The following IL1RAPL2 variants were observed in gnomAD, a reference collection of about 807,000 sequenced individuals.
IL1RAPL2 encodes X-linked interleukin-1 receptor accessory protein-like 2.
A neutral mutation model predicts 44.1 loss-of-function variants in IL1RAPL2; 3 were observed. The observed-to-expected ratio is 0.07, with a 90% confidence interval of 0.03 to 0.18. The LOEUF is 0.18. IL1RAPL2 is among the 10% of genes least tolerant of loss of function. IL1RAPL2 has a pLI of 1.00. For missense variants in IL1RAPL2, 391 were observed against 496.4 expected, an observed-to-expected ratio of 0.79 and a Z score of 2.02; for synonymous variants, 181 against 178.8, an observed-to-expected ratio of 1.01 and a Z score of -0.10.
At chrX:105,345,297 C>T (rs1451949954) in intron 5 of IL1RAPL2, among the ~76,000 whole-genome samples, 13 of 111,630 alleles carry the variant, frequency 1.2e-4, no homozygotes, top group African/African-American at 9.7e-5. Flanking sequence ...TAAACAAATA[C>T]GCATACTAGG....
chrX:104,765,348 A>G (rs1297085839), intron 2 of IL1RAPL2, among the ~76,000 whole-genome samples: 1 of 111,835 alleles, frequency 8.9e-6, no homozygotes, highest in Non-Finnish European at 1.9e-5. Flanking sequence ...ATTTATCCAA[A>G]AAACGTTTGA....
intron 8 of IL1RAPL2, among the ~76,000 whole-genome samples, chrX:105,743,256 C>G (rs773257702): frequency 7.1e-5 from 8 of 112,010 alleles, no homozygotes; most frequent in Non-Finnish European, 1.1e-4. Context: ...TCCCTTTCCA[C>G]TAAGAATGAA....
At chrX:105,275,641 C>T (rs1412362307) in intron 5 of IL1RAPL2, among the ~76,000 whole-genome samples, 2 of 109,514 alleles carry the variant, frequency 1.8e-5, no homozygotes, top group Non-Finnish European at 3.8e-5. Flanking sequence ...AATAAGACAA[C>T]TTTGTGTTTG....
At chrX:104,665,359 AAAT>A (rs1053946168) in intron 2 of IL1RAPL2, among the ~76,000 whole-genome samples, 4 of 110,985 alleles carry the variant, frequency 3.6e-5, no homozygotes, top group Non-Finnish European at 5.7e-5. Context: ...TAGTAGCAAA[AAAT>A]AATTATCCAT....
intron 2 of IL1RAPL2, among the ~76,000 whole-genome samples, chrX:104,833,436 T>C (rs776895569): frequency 9.8e-5 from 11 of 112,231 alleles, no homozygotes; most frequent in Non-Finnish European, 2.1e-4. Context: ...TTATAATCAT[T>C]TTATGAAATT....
chrX:104,609,668 C>T (rs915602375), intron 1 of IL1RAPL2, among the ~76,000 whole-genome samples: 10 of 111,689 alleles, frequency 9.0e-5, no homozygotes, highest in African/African-American at 2.9e-4. Context: ...ACATGCTTCA[C>T]GAAGTTCTCA....
At chrX:105,014,068 A>C (rs1035332520) in intron 2 of IL1RAPL2, among the ~76,000 whole-genome samples, 9 of 112,080 alleles carry the variant, frequency 8.0e-5, no homozygotes, top group African/African-American at 2.9e-4. Flanking sequence ...TTATATCATG[A>C]GTATAAGTGG....
At chrX:104,866,729 G>T (rs894929280) in intron 2 of IL1RAPL2, among the ~76,000 whole-genome samples, 1 of 111,777 alleles carries the variant, frequency 8.9e-6, no homozygotes, top group African/African-American at 3.3e-5. Context: ...GAATATAATC[G>T]ATTTCTATGT....
chrX:105,519,281 A>G (rs1390144570), intron 6 of IL1RAPL2, among the ~76,000 whole-genome samples: 3 of 112,288 alleles, frequency 2.7e-5, no homozygotes, highest in Non-Finnish European at 3.8e-5. Context: ...CCTCTTGAAG[A>G]TTCTGTCAAG....
rs183936841 is a variant in IL1RAPL2, at chrX:105,025,375, A to C, written c.83-170100A>C. Among the ~76,000 whole-genome samples, 6 of 111,461 alleles carry C rather than the reference A, an allele frequency of 5.4e-5. No individual in the cohort carries two copies. The East Asian group carries it at 1.7e-3, about 32-fold the overall frequency. On this transcript the variant is annotated intron_variant, in intron 2 of 10. Coordinates refer to ENST00000372582, the MANE Select transcript of IL1RAPL2 (RefSeq NM_017416.2). ...GTTGAAACAATTACTTCTGCCCTCTAAATAATTAGACTGCTATACTCTCCT... is the reference window on the plus strand; with the variant it reads ...GTTGAAACAATTACTTCTGCCCTCTCAATAATTAGACTGCTATACTCTCCT...
chrX:104,891,039 C>A (rs997264923), intron 2 of IL1RAPL2, among the ~76,000 whole-genome samples: 1 of 111,818 alleles, frequency 8.9e-6, no homozygotes, highest in Non-Finnish European at 1.9e-5. Context: ...TTCCCAGCAC[C>A]GTTTGTTAAA....
At chrX:105,715,748 G>T (rs2038251601) in intron 6 of IL1RAPL2, among the ~76,000 whole-genome samples, 1 of 111,329 alleles carries the variant, frequency 9.0e-6, no homozygotes, top group South Asian at 3.7e-4. Context: ...TACAAACCCT[G>T]AAATCTATGA....
intron 5 of IL1RAPL2, among the ~76,000 whole-genome samples, chrX:105,290,226 A>C (rs2034602422): frequency 9.0e-6 from 1 of 111,455 alleles, no homozygotes; most frequent in Admixed American, 9.6e-5. Flanking sequence ...AGACACTAAA[A>C]CCCAAAGATA....
chrX:104,828,978 C>T (rs935047363), intron 2 of IL1RAPL2, among the ~76,000 whole-genome samples: 1 of 112,291 alleles, frequency 8.9e-6, no homozygotes, highest in Non-Finnish European at 1.9e-5. Flanking sequence ...CGCCCCTCCC[C>T]CAACCAAGCT....
intron 2 of IL1RAPL2, among the ~76,000 whole-genome samples, chrX:105,112,616 T>A (rs1451601127): frequency 2.7e-5 from 3 of 112,630 alleles, no homozygotes; most frequent in Admixed American, 1.9e-4. Flanking sequence ...TAATCTAAAG[T>A]ACAACAATCT....
intron 4 of IL1RAPL2, among the ~76,000 whole-genome samples, chrX:105,256,613 G>A (rs1443778449): frequency 9.0e-6 from 1 of 111,320 alleles, no homozygotes; most frequent in Non-Finnish European, 1.9e-5. Flanking sequence ...ACAGGCGTGA[G>A]CGACCGTGCC....
rs1440155960 is a variant in IL1RAPL2, at chrX:104,602,595, G to A, written c.-20+35544G>A. Among the ~76,000 whole-genome samples, 5 of 111,659 alleles carry A rather than the reference G, an allele frequency of 4.5e-5. No individual in the cohort carries two copies. The East Asian group carries it at 1.1e-3, about 25-fold the overall frequency. On this transcript the variant is annotated intron_variant, in intron 1 of 10. Transcript: ENST00000372582. ...GATCCACTGGCTTGAAATTCTCACT[G>A]CCAGCACAGCAGCAGTCTGAGATCG...
chrX:104,764,700 A>G (rs1932527805), intron 2 of IL1RAPL2, among the ~76,000 whole-genome samples: 1 of 112,046 alleles, frequency 8.9e-6, no homozygotes, highest in African/African-American at 3.2e-5. Flanking sequence ...TCTGTCATAT[A>G]TAACTTTTAT....
chrX:105,261,717 A>G (rs1318874578), intron 4 of IL1RAPL2, among the ~76,000 whole-genome samples: 8 of 111,118 alleles, frequency 7.2e-5, no homozygotes, highest in African/African-American at 2.6e-4. Context: ...TCACTCTTCT[A>G]TTGTCTTTGG....
Sources: allele counts gnomAD v4.1 joint callset (sites outside exome capture counted in the v4.1 genomes callset), GRCh38; gene constraint gnomAD v4.1.1; transcripts MANE v1.5; gene names NCBI Gene and HGNC (gene_info 2026-07-23, HGNC 2026-07-21).